The following GRM1 variants were observed in gnomAD, a reference collection of about 807,000 sequenced individuals.
GRM1 encodes the protein glutamate metabotropic receptor 1, also known as metabotropic glutamate receptor 1.
A neutral mutation model predicts 90.9 loss-of-function variants in GRM1; 33 were observed. The observed-to-expected ratio is 0.36, with a 90% confidence interval of 0.28 to 0.49. GRM1 has a LOEUF of 0.49. Ranked by LOEUF, GRM1 falls within the 20% of genes least tolerant of loss-of-function variation. The probability of loss-of-function intolerance (pLI) is 0.99; values close to 1 mark genes in which losing one functional copy is unlikely to be tolerated. For missense variants in GRM1, 1,190 were observed against 1,534.3 expected (o/e 0.78, Z 3.75); for synonymous variants, 700 against 613.2 (o/e 1.14, Z -2.09).
Position 146,052,823 on chromosome 6 carries a change from T to G in GRM1, c.700+22606T>G. Among the ~76,000 whole-genome samples the G allele has an allele frequency of 1.3e-5, 2 of 152,092 alleles. 1 individual carries two copies. ...GTTGTGTTTACTTTGTGCCATTTCC[T>G]ACTATTGGAAATTATCTCATTTATG... On this transcript the variant is annotated intron_variant, in intron 1 of 7. Coordinates refer to ENST00000282753, the MANE Select transcript of GRM1 (RefSeq NM_001278064.2).
chr6:146,377,715 A>T (rs1406353865), intron 5 of GRM1, among the ~76,000 whole-genome samples: 2 of 152,176 alleles, frequency 1.3e-5, no homozygotes, highest in East Asian at 3.9e-4. Flanking sequence ...TCAACAGGCC[A>T]TGTGAGATAC....
intron 6 of GRM1, among the ~76,000 whole-genome samples, chr6:146,393,588 C>T (rs1776811981): frequency 6.6e-6 from 1 of 151,972 alleles, no homozygotes; most frequent in Admixed American, 6.6e-5. Flanking sequence ...GTGTTTTAGA[C>T]ATGAAACCAC....
At chr6:146,213,302 G>T (rs371022334) in intron 2 of GRM1, among the ~76,000 whole-genome samples, 4 of 152,030 alleles carry the variant, frequency 2.6e-5, no homozygotes, top group African/African-American at 9.7e-5. Context: ...GATGAGATTG[G>T]GTGGGGGGCG....
upstream of GRM1, among the ~76,000 whole-genome samples, chr6:146,028,269 G>GTGTGTGTA (rs1554258666): frequency 1.6e-3 from 234 of 147,276 alleles, 1 homozygote; most frequent in African/African-American, 4.9e-3. Flanking sequence ...GTGTGTGTGT[G>GTGTGTGTA]TGTGTGTGTA....
chr6:146,156,031 T>G (rs1196136421), intron 1 of GRM1, among the ~76,000 whole-genome samples: 1 of 152,198 alleles, frequency 6.6e-6, no homozygotes, highest in Non-Finnish European at 1.5e-5. Flanking sequence ...TGATATTTAC[T>G]TGGTGTAGAG....
At chr6:146,408,577 A>AT (rs1777443027) in intron 7 of GRM1, among the ~76,000 whole-genome samples, 1 of 152,232 alleles carries the variant, frequency 6.6e-6, no homozygotes, top group Non-Finnish European at 1.5e-5. Flanking sequence ...TTCTTATACT[A>AT]TACTAACATA....
chr6:146,422,574 A>G (rs1341773228), intron 7 of GRM1, among the ~76,000 whole-genome samples: 1 of 152,208 alleles, frequency 6.6e-6, no homozygotes, highest in Non-Finnish European at 1.5e-5. Context: ...GGATGAAAAA[A>G]TTGAGTCTGA....
At position 146,146,103 on chromosome 6, in the gene GRM1, C is replaced by CTTTTTTTTTTTTT. The variant is rs35329703; in HGVS notation, c.701-13221_701-13209dup. Among the ~76,000 whole-genome samples the CTTTTTTTTTTTTT allele has an allele frequency of 2.5e-3, 49 of 19,988 alleles. 21 individuals carry two copies. The highest frequency in any genetic ancestry group is 3.9e-3 in the Non-Finnish European group (37 of 9,440). The allele number at this position is 19,988 out of a possible 152,430, so 13.1% of individuals were successfully genotyped here. On this transcript the variant is annotated intron_variant, in intron 1 of 7. Coordinates refer to ENST00000282753, the MANE Select transcript of GRM1 (RefSeq NM_001278064.2). ...CTGTGCCTATGTACTACCATTGTAT[C>CTTTTTTTTTTTTT]TTTTTTTTTTTTTTTTTTTTTTTTT...
chr6:146,236,832 C>T (rs1780663163), intron 2 of GRM1, among the ~76,000 whole-genome samples: 1 of 151,960 alleles, frequency 6.6e-6, no homozygotes, highest in Non-Finnish European at 1.5e-5. Flanking sequence ...TCCTACAGGC[C>T]CAATAGAGAC....
chr6:146,183,414 A>C (rs183622827), intron 2 of GRM1, among the ~76,000 whole-genome samples: 25 of 152,290 alleles, frequency 1.6e-4, no homozygotes, highest in Non-Finnish European at 3.2e-4. Context: ...TTTGGGAGAC[A>C]ACTGTCATTT....
chr6:146,410,147 A>G (rs149517946), intron 7 of GRM1, among the ~76,000 whole-genome samples: 114 of 152,318 alleles, frequency 7.5e-4, no homozygotes, highest in African/African-American at 2.7e-3. Flanking sequence ...GTGGAGTTGG[A>G]GTAGGGATGA....
intron 2 of GRM1, among the ~76,000 whole-genome samples, chr6:146,181,550 G>T (rs1473069747): frequency 6.6e-6 from 1 of 152,248 alleles, no homozygotes; most frequent in East Asian, 1.9e-4. Context: ...TATACCTACA[G>T]CACTTGATCT....
At chr6:146,179,431 GA>G (rs752704854) in intron 2 of GRM1, among the ~76,000 whole-genome samples, 9 of 152,210 alleles carry the variant, frequency 5.9e-5, no homozygotes, top group Non-Finnish European at 1.3e-4. Context: ...ATTTATATGA[GA>G]GAAAATTAAA....
intron 7 of GRM1, among the ~76,000 whole-genome samples, chr6:146,433,480 A>AT (rs201299966): frequency 1.3e-4 from 19 of 149,766 alleles, no homozygotes; most frequent in South Asian, 6.4e-4. Context: ...TGTAACTAAG[A>AT]TTTTTTTTTT....
chr6:146,138,148 A>G (rs1776698083), intron 1 of GRM1, among the ~76,000 whole-genome samples: 1 of 151,938 alleles, frequency 6.6e-6, no homozygotes, highest in Non-Finnish European at 1.5e-5. Flanking sequence ...TGCCTTTTAT[A>G]TCTTTCTCTT....
chr6:146,294,779 C>G (rs923005901), intron 2 of GRM1, among the ~76,000 whole-genome samples: 1 of 152,156 alleles, frequency 6.6e-6, no homozygotes, highest in Non-Finnish European at 1.5e-5. Context: ...GAGACACTGA[C>G]TTTCTTTATT....
intron 5 of GRM1, among the ~76,000 whole-genome samples, chr6:146,368,782 T>C (rs1775794564): frequency 6.6e-6 from 1 of 152,114 alleles, no homozygotes; most frequent in Non-Finnish European, 1.5e-5. Context: ...GCATTTATGT[T>C]TATCAGGGAT....
intron 1 of GRM1, among the ~76,000 whole-genome samples, chr6:146,125,402 T>G (rs748351252): frequency 2.4e-4 from 37 of 152,044 alleles, no homozygotes; most frequent in Admixed American, 4.6e-4. Context: ...CATAGGGATA[T>G]TTTTTCCTCC....
At chr6:146,309,041 A>G (rs902476243) in intron 3 of GRM1, among the ~76,000 whole-genome samples, 2 of 152,042 alleles carry the variant, frequency 1.3e-5, no homozygotes, top group Admixed American at 1.3e-4. Flanking sequence ...CTTTTTTTAC[A>G]TTTGGATAAT....
Sources: allele counts gnomAD v4.1 joint callset (sites outside exome capture counted in the v4.1 genomes callset), GRCh38; gene constraint gnomAD v4.1.1; transcripts MANE v1.5; gene names NCBI Gene and HGNC (gene_info 2026-07-23, HGNC 2026-07-21).